MPRIP: variants seen among roughly 807,000 people sequenced by gnomAD.
The protein encoded by MPRIP is myosin phosphatase Rho interacting protein, also known as myosin phosphatase Rho-interacting protein.
MPRIP carries 59 observed loss-of-function variants against 234.9 expected under a neutral mutation model. The ratio of observed to expected loss-of-function variants is 0.25; its 90% CI spans 0.20 to 0.31. The LOEUF is 0.31. Among genes scored for constraint, MPRIP ranks in the 10% least tolerant of loss-of-function variants. The pLI is 1.00. For missense variants in MPRIP, 2,436 were observed against 3,071.0 expected (o/e 0.79, Z 4.89); for synonymous variants, 1,144 against 1,263.9 (o/e 0.91, Z 2.01).
chr17:17,122,194 G>A (rs1427266925), intron 3 of MPRIP, among the ~76,000 whole-genome samples: 3 of 151,964 alleles, frequency 2.0e-5, no homozygotes, highest in Non-Finnish European at 4.4e-5. Flanking sequence ...TGCATCAAAT[G>A]GTATTTCTAT....
At chr17:17,180,536 C>T (rs912748651) in intron 23 of MPRIP, 26 of 1,390,746 alleles carry the variant, frequency 1.9e-5, no homozygotes, top group African/African-American at 2.9e-5. Context: ...GGAGGGCGGG[C>T]GGAGGTGGGA....
intron 11 of MPRIP, 155 bp from the exon 12 acceptor site, chr17:17,149,989 G>A: frequency 3.2e-6 from 2 of 622,308 alleles, no homozygotes; most frequent in Non-Finnish European, 2.9e-6. Context: ...GAGGGGCCTG[G>A]GTCATGCAGT....
rs759733708 is a variant in MPRIP, at chr17:17,143,642, C to G, written c.1476C>G (p.Asp492Glu). Residue 492 changes from aspartate (D) to glutamate (E), a missense_variant, in exon 9 of 24, where the codon GAC becomes GAG. Physicochemically the swap from Asp to Glu is conservative, Grantham distance 45. This residue lies in a region of MPRIP where 1,998 missense variants were observed against 2,520.3 expected (regional missense o/e 0.79). Coordinates refer to ENST00000651222, the MANE Select transcript of MPRIP (RefSeq NM_001364716.4). The stretch of plus-strand genomic sequence containing the variant: ...CACACCGAAGAGCCAAGTCACTGGA[C>G]AGGAGGTCCACGGAGCCCTCCGTGA... ...LSPHRRAKSLDRRSTEPSVTP... is the reference protein window; with the variant it reads ...LSPHRRAKSLERRSTEPSVTP... 2 of 1,607,504 alleles carry G rather than the reference C, an allele frequency of 1.2e-6. No individual in the cohort carries two copies. Among genetic ancestry groups the G allele is most frequent in the Non-Finnish European group, 8.5e-7 (1 of 1,177,198 alleles).
chr17:17,106,337 G>A (rs530027465), intron 3 of MPRIP, among the ~76,000 whole-genome samples: 1 of 152,356 alleles, frequency 6.6e-6, no homozygotes, highest in South Asian at 2.1e-4. Flanking sequence ...TGGTCGACTT[G>A]TAGAAGCCCC....
rs2045854789 is a variant in MPRIP at position 17,161,133 on chromosome 17, C to T, written c.2401-107C>T. The T allele has an allele frequency of 1.8e-5, 13 of 716,364 alleles. No homozygotes were observed. In the South Asian group the frequency reaches 2.9e-4, roughly 16 times the overall value. The allele number at this position is 716,364 out of a possible 1,614,324, so 44.4% of individuals were successfully genotyped here. A position where few individuals can be genotyped will look rare whatever the true frequency, so the allele number is the denominator to read the frequency against. The stretch of plus-strand genomic sequence containing the variant: ...GCACATCTGCTGAAATGTGGAGACT[C>T]CAAAACTCTTGGGCCACATGGAAGA... On this transcript the variant is annotated intron_variant, in intron 14 of 23. Transcript: ENST00000651222.
intron 4 of MPRIP, 55 bp downstream of exon 4, chr17:17,126,908 C>T: frequency 6.3e-7 from 1 of 1,579,154 alleles, no homozygotes; most frequent in Non-Finnish European, 8.6e-7. Flanking sequence ...AGGGCCAACA[C>T]CAGATGGGCC....
intron 3 of MPRIP, among the ~76,000 whole-genome samples, chr17:17,113,142 G>C (rs2090207389): frequency 6.6e-6 from 1 of 152,180 alleles, no homozygotes; most frequent in South Asian, 2.1e-4. Context: ...CTGCCCTGCA[G>C]TCTCTTCTTC....
chr17:17,127,033 C>G (rs142204306), intron 4 of MPRIP, among the ~76,000 whole-genome samples, 180 bp downstream of exon 4: 2,659 of 152,340 alleles, frequency 0.017, 43 homozygotes, highest in Middle Eastern at 0.027. Flanking sequence ...TCAGGACATT[C>G]ACCATTCCAC....
At chr17:17,113,376 A>T (rs962397893) in intron 3 of MPRIP, among the ~76,000 whole-genome samples, 1 of 152,262 alleles carries the variant, frequency 6.6e-6, no homozygotes, top group Admixed American at 6.5e-5. Flanking sequence ...GGTGCTTCAC[A>T]TAAGTGGAAT....
intron 3 of MPRIP, among the ~76,000 whole-genome samples, chr17:17,099,446 G>A (rs1269672844): frequency 2.6e-5 from 4 of 152,194 alleles, no homozygotes; most frequent in African/African-American, 9.6e-5. Context: ...AAGCAAACCT[G>A]TAGCTAAAAT....
At chr17:17,137,778 T>G in intron 6 of MPRIP, 138 bp from the exon 7 acceptor site, 2 of 585,446 alleles carry the variant, frequency 3.4e-6, no homozygotes, top group Non-Finnish European at 5.6e-6. Context: ...TGCCCTTGAG[T>G]GGGGTGTGCT....
At position 17,045,897 on chromosome 17, in the gene MPRIP, C is replaced by A. The variant is rs529055326; in HGVS notation, c.123+2926C>A. ...CTGAGCTCACTGCAAGCTACGCCTCCCAGGTTCATGCCATTCTTCTGCCTC... is the reference window on the plus strand; with the variant it reads ...CTGAGCTCACTGCAAGCTACGCCTCACAGGTTCATGCCATTCTTCTGCCTC... On this transcript the variant is annotated intron_variant, in intron 1 of 23. Coordinates refer to ENST00000651222, the MANE Select transcript of MPRIP (RefSeq NM_001364716.4). Among the ~76,000 whole-genome samples, 551 of 152,066 alleles carry A rather than the reference C, an allele frequency of 3.6e-3. 4 individuals are homozygous for A. The highest frequency in any genetic ancestry group is 6.7e-3 in the Admixed American group (102 of 15,278).
chr17:17,066,129 C>A (rs1225378358), intron 1 of MPRIP, among the ~76,000 whole-genome samples: 1 of 152,136 alleles, frequency 6.6e-6, no homozygotes, highest in Non-Finnish European at 1.5e-5. Flanking sequence ...CTTTTATTTC[C>A]TTTTCCTGCC....
intron 22 of MPRIP, chr17:17,179,691 G>A (rs1285170795): frequency 1.9e-5 from 5 of 264,854 alleles, no homozygotes; most frequent in Non-Finnish European, 2.9e-5. Context: ...GCTCAGCATT[G>A]AGGTCCCACA....
chr17:17,142,569 A>G, intron 7 of MPRIP, 58 bp from the exon 8 acceptor site: 1 of 1,589,696 alleles, frequency 6.3e-7, no homozygotes, highest in Non-Finnish European at 8.6e-7. Flanking sequence ...GAGTCGGCTC[A>G]CTGCCACCTC....
At chr17:17,058,587 G>A (rs1410701424) in intron 1 of MPRIP, among the ~76,000 whole-genome samples, 2 of 152,084 alleles carry the variant, frequency 1.3e-5, no homozygotes, top group African/African-American at 4.8e-5. Flanking sequence ...AGGGCTCCAG[G>A]TCCATTGAGA....
chr17:17,133,635 A>G (rs1289460240), intron 5 of MPRIP, among the ~76,000 whole-genome samples: 1 of 152,200 alleles, frequency 6.6e-6, no homozygotes, highest in Non-Finnish European at 1.5e-5. Context: ...TGTTGTGCCC[A>G]GTAAGAATCA....
At position 17,185,398 on chromosome 17, in the gene MPRIP, G is replaced by C. The variant is rs1477253628; in HGVS notation, c.*504G>C. 2.4e-6 allele frequency: 1 copy of C among 418,570 alleles called. No homozygotes were observed. The highest frequency in any genetic ancestry group is 2.0e-5 in the African/African-American group (1 of 49,130). 25.9% of individuals were successfully genotyped at this position (418,570 alleles called of 1,614,324 possible). A position where few individuals can be genotyped will look rare whatever the true frequency, so the allele number is the denominator to read the frequency against. Reference sequence around the variant, plus strand: ...AGTCTGGCTGTTAAGAGGAGAAAGTGCACTGCCTTCCAGCCCAGGAGGAGG... The same window carrying C: ...AGTCTGGCTGTTAAGAGGAGAAAGTCCACTGCCTTCCAGCCCAGGAGGAGG... On this transcript the variant is annotated 3_prime_UTR_variant, in exon 24 of 24. Transcript: ENST00000651222.
chr17:17,184,751 T>TGGTCCGGTCC (rs1037692259), intron 23 of MPRIP, 72 bp from the exon 24 acceptor site: 4 of 1,216,774 alleles, frequency 3.3e-6, no homozygotes, highest in African/African-American at 3.0e-5. Context: ...CGGTCCGGTC[T>TGGTCCGGTCC]GGTCCGGTCC....
Sources: allele counts gnomAD v4.1 joint callset (sites outside exome capture counted in the v4.1 genomes callset), GRCh38; gene constraint gnomAD v4.1.1; regional missense constraint gnomAD v4.1.1; transcripts MANE v1.5; gene names NCBI Gene and HGNC (gene_info 2026-07-23, HGNC 2026-07-21).